The following CDKN2B-AS1 variants were observed in gnomAD, a reference collection of about 807,000 sequenced individuals.
The protein encoded by CDKN2B-AS1 is CDKN2B and CDKN2A antisense cis and trans regulatory RNA 1, also known as CDKN2B antisense RNA 1 (non-protein coding).
chr9:22,120,462 C>G (rs1826068753), intron 4 of CDKN2B-AS1: 1 of 150,850 alleles, frequency 6.6e-6, no homozygotes, highest in Non-Finnish European at 1.5e-5. Context: ...GTATTACTGT[C>G]ACTATTGTAA....
intron 3 of CDKN2B-AS1, among the ~76,000 whole-genome samples, chr9:22,050,376 G>A (rs1456949474): frequency 6.6e-6 from 1 of 152,168 alleles, no homozygotes; most frequent in South Asian, 2.1e-4. Context: ...TTCTTCCTCT[G>A]TACTGCTGTG....
At chr9:22,120,629 T>C (rs1826074971) in intron 4 of CDKN2B-AS1, 2 of 152,260 alleles carry the variant, frequency 1.3e-5, no homozygotes, top group South Asian at 2.1e-4. Flanking sequence ...AATAACCTTG[T>C]TTCAAAAATA....
intron 1 of CDKN2B-AS1, among the ~76,000 whole-genome samples, chr9:22,034,698 G>C (rs552790315): frequency 7.7e-4 from 117 of 151,972 alleles, no homozygotes; most frequent in African/African-American, 2.3e-3. Flanking sequence ...TTTCTATAGA[G>C]GTCCTGATAG....
intron 4 of CDKN2B-AS1, among the ~76,000 whole-genome samples, chr9:22,056,756 C>G (rs1823593184): frequency 6.6e-6 from 1 of 152,174 alleles, no homozygotes; most frequent in Non-Finnish European, 1.5e-5. Context: ...TCATCTACAT[C>G]CAAGTGACCT....
intron 1 of CDKN2B-AS1, among the ~76,000 whole-genome samples, chr9:22,008,014 A>G (rs570028032): frequency 1.3e-5 from 2 of 152,302 alleles, no homozygotes; most frequent in Non-Finnish European, 2.9e-5. Context: ...GGTAAAGTAC[A>G]AAAGAGTTGT....
At chr9:22,029,058 T>TAAA (rs34059530) in intron 1 of CDKN2B-AS1, among the ~76,000 whole-genome samples, 1 of 149,586 alleles carries the variant, frequency 6.7e-6, no homozygotes, top group Non-Finnish European at 1.5e-5. Context: ...ATACAAAAAT[T>TAAA]AAAAAAAAAA....
intron 4 of CDKN2B-AS1, among the ~76,000 whole-genome samples, chr9:22,116,221 T>C (rs1537376): frequency 0.49 from 75,088 of 152,036 alleles, 18,798 homozygotes; most frequent in Middle Eastern, 0.7. Context: ...CTCCCCATGA[T>C]ATGTATATCT....
rs1820830571 is a variant in CDKN2B-AS1, at chr9:21,999,455, T to C, written n.29+4294T>C. Among the ~76,000 whole-genome samples, 1 of 151,972 alleles carries C rather than the reference T, an allele frequency of 6.6e-6. No individual in the cohort carries two copies. Among genetic ancestry groups the C allele is most frequent in the African/African-American group, 2.4e-5 (1 of 41,396 alleles). On this transcript the variant is annotated intron_variant and non_coding_transcript_variant, in intron 1 of 4. Coordinates refer to ENST00000650946, the Ensembl canonical transcript of CDKN2B-AS1. The surrounding 1 kb of genome is among the most constrained non-coding windows in gnomAD (Gnocchi z 4.7). The stretch of plus-strand genomic sequence containing the variant: ...CTTTATATACACATATGTACACACA[T>C]ATCTGTAAGTATGGGAAGATGTATA...
intron 1 of CDKN2B-AS1, among the ~76,000 whole-genome samples, chr9:22,045,515 A>T (rs1823070971): frequency 1.3e-5 from 2 of 152,238 alleles, no homozygotes; most frequent in South Asian, 4.1e-4. Flanking sequence ...CAGCAAATGT[A>T]CAAATAGTTT....
chr9:22,059,026 T>A (rs1172438704), intron 4 of CDKN2B-AS1: 2 of 152,634 alleles, frequency 1.3e-5, no homozygotes, highest in Non-Finnish European at 2.9e-5. Flanking sequence ...TCCCTCAACA[T>A]GTGGGAATTC....
At chr9:22,100,909 G>A (rs373985489) in intron 4 of CDKN2B-AS1, among the ~76,000 whole-genome samples, 6 of 152,024 alleles carry the variant, frequency 3.9e-5, no homozygotes, top group Admixed American at 6.6e-5. Context: ...CAATGATTTC[G>A]GACATCTTTC....
intron 4 of CDKN2B-AS1, among the ~76,000 whole-genome samples, chr9:22,066,894 G>C (rs1466206263): frequency 3.3e-5 from 5 of 152,100 alleles, no homozygotes; most frequent in Non-Finnish European, 5.9e-5. Flanking sequence ...CATAAAAAGG[G>C]ATGAGTTCTT....
At chr9:22,018,383 C>T (rs1204167338) in intron 1 of CDKN2B-AS1, among the ~76,000 whole-genome samples, 3 of 137,028 alleles carry the variant, frequency 2.2e-5, no homozygotes, top group African/African-American at 8.2e-5. Flanking sequence ...ATGGGCCGCG[C>T]ATGGTGGCTC....
At chr9:22,103,120 T>C (rs1397958806) in intron 4 of CDKN2B-AS1, among the ~76,000 whole-genome samples, 1 of 145,104 alleles carries the variant, frequency 6.9e-6, no homozygotes, top group African/African-American at 2.5e-5. Flanking sequence ...GGGGTTTTCA[T>C]TCTAGAACAG....
chr9:22,004,794 A>G (rs1384551183), intron 1 of CDKN2B-AS1: 1 of 233,056 alleles, frequency 4.3e-6, no homozygotes, highest in Non-Finnish European at 8.5e-6. Flanking sequence ...AAGTGCATCT[A>G]TCTTCTAAAA....
Position 22,004,703 on chromosome 9 carries a change from C to T in CDKN2B-AS1, n.29+9542C>T, listed in dbSNP as rs1587377805. The stretch of plus-strand genomic sequence containing the variant: ...AGTGATAGTAGGACATCCCACGAGC[C>T]ATCATATATTTTCAAGTTTTTATAC... On this transcript the variant is annotated intron_variant and non_coding_transcript_variant, in intron 1 of 4. Transcript: ENST00000650946. 5.2e-5 allele frequency: 12 copies of T among 232,820 alleles called. No homozygotes were observed. The East Asian group carries it at 7.3e-4, about 14-fold the overall frequency. 14.4% of individuals were successfully genotyped at this position (232,820 alleles called of 1,614,324 possible). A position where few individuals can be genotyped will look rare whatever the true frequency, so the allele number is the denominator to read the frequency against.
intron 4 of CDKN2B-AS1, among the ~76,000 whole-genome samples, chr9:22,114,087 C>G (rs1350190157): frequency 1.3e-5 from 2 of 152,178 alleles, no homozygotes; most frequent in South Asian, 2.1e-4. Flanking sequence ...TTTTCAGATT[C>G]TCTAATTGGC....
At position 21,999,734 on chromosome 9, in the gene CDKN2B-AS1, T is replaced by C. The variant is rs1820841975; in HGVS notation, n.29+4573T>C. The stretch of plus-strand genomic sequence containing the variant: ...GACATGCTTGTGAGGAGACTTTTTT[T>C]GTTGTTGTTGTTGTTAGGGCTCATT... On this transcript the variant is annotated intron_variant and non_coding_transcript_variant, in intron 1 of 4. Coordinates refer to ENST00000650946, the Ensembl canonical transcript of CDKN2B-AS1. The surrounding 1 kb of genome is among the most constrained non-coding windows in gnomAD (Gnocchi z 4.7). 6.6e-6 allele frequency among the ~76,000 whole-genome samples: 1 copy of C among 151,514 alleles called. No individual in the cohort carries two copies. Among genetic ancestry groups the C allele is most frequent in the African/African-American group, 2.4e-5 (1 of 41,376 alleles).
intron 4 of CDKN2B-AS1, among the ~76,000 whole-genome samples, chr9:22,106,389 G>C (rs898202270): frequency 6.6e-6 from 1 of 152,044 alleles, no homozygotes; most frequent in Admixed American, 6.6e-5. Flanking sequence ...CCTAATTTTT[G>C]TATTTTTAGT....
Sources: allele counts gnomAD v4.1 joint callset (sites outside exome capture counted in the v4.1 genomes callset), GRCh38; gene constraint gnomAD v4.1.1; non-coding constraint Gnocchi (gnomAD v3.1); transcripts MANE v1.5; gene names NCBI Gene and HGNC (gene_info 2026-07-23, HGNC 2026-07-21).